Variants in NFKBIZ observed in about 807,000 individuals in gnomAD.
The protein encoded by NFKBIZ is NFKB inhibitor zeta.
In NFKBIZ, 19 loss-of-function variants were observed where a neutral mutation model predicts 76.8. The ratio of observed to expected loss-of-function variants is 0.25; its 90% CI spans 0.17 to 0.36. The LOEUF is 0.36. Ranked by LOEUF, NFKBIZ falls within the 10% of genes least tolerant of loss-of-function variation. The pLI is 1.00. For missense variants in NFKBIZ, 829 were observed against 910.9 expected (o/e 0.91, Z 1.16); for synonymous variants, 368 against 354.8 (o/e 1.04, Z -0.42).
At chr3:101,854,501 A>AT (rs34931768) in intron 5 of NFKBIZ, 77 bp from the exon 6 acceptor site, 77,991 of 670,234 alleles carry the variant, frequency 0.12, 218 homozygotes, top group South Asian at 0.14. Flanking sequence ...CTAAAGGAAG[A>AT]TTTTTTTTTT....
chr3:101,851,128 T>C (rs1942952541), intron 1 of NFKBIZ, among the ~76,000 whole-genome samples: 1 of 152,254 alleles, frequency 6.6e-6, no homozygotes, highest in Non-Finnish European at 1.5e-5. Flanking sequence ...CATGTATTTA[T>C]GATAGATACA....
chr3:101,857,219 C>G (rs780618609), intron 10 of NFKBIZ, 36 bp downstream of exon 10: 12 of 534,072 alleles, frequency 2.2e-5, no homozygotes, highest in Non-Finnish European at 3.4e-5. Flanking sequence ...TGTACACCCT[C>G]TCAAAGTTTT....
chr3:101,840,441 G>T (rs771482690), intron 2 of NFKBIZ, among the ~76,000 whole-genome samples: 1 of 152,156 alleles, frequency 6.6e-6, no homozygotes, highest in East Asian at 1.9e-4. Flanking sequence ...TGGTACACAG[G>T]TAGCCCTTCA....
chr3:101,858,133 G>A, intron 11 of NFKBIZ: 1 of 983,392 alleles, frequency 1.0e-6, no homozygotes, highest in South Asian at 4.7e-5. Context: ...CTCTTTTCCT[G>A]GGAGGAATGA....
upstream of NFKBIZ, among the ~76,000 whole-genome samples, chr3:101,845,350 G>C (rs1254637914): frequency 6.8e-6 from 1 of 147,904 alleles, no homozygotes; most frequent in East Asian, 2.0e-4. Context: ...CTGGAGTGCA[G>C]TTGTATGATC....
intron 5 of NFKBIZ, 133 bp downstream of exon 5, chr3:101,853,996 T>C: frequency 4.7e-6 from 4 of 849,874 alleles, no homozygotes; most frequent in South Asian, 1.8e-5. Context: ...CTGGTGTAGA[T>C]AGAAACCGCC....
intron 2 of NFKBIZ, among the ~76,000 whole-genome samples, chr3:101,842,141 T>C (rs1942792598): frequency 1.3e-5 from 2 of 151,674 alleles, no homozygotes; most frequent in African/African-American, 4.8e-5. Flanking sequence ...GGGTTGAGAG[T>C]TGGGGTCAGG....
intron 11 of NFKBIZ, chr3:101,858,506 TC>T (rs1943085156): frequency 2.2e-6 from 2 of 890,788 alleles, no homozygotes; most frequent in Non-Finnish European, 2.7e-6. Context: ...AACTATGCTC[TC>T]AGGGATCATT....
intron 8 of NFKBIZ, 97 bp from the exon 9 acceptor site, chr3:101,855,636 G>A (rs1487178439): frequency 2.9e-6 from 4 of 1,368,778 alleles, no homozygotes; most frequent in East Asian, 2.3e-5. Flanking sequence ...CCCATTTATA[G>A]GTTAAGTTAG....
At chr3:101,828,154 A>G in exon 1 of NFKBIZ, 1 of 152,118 alleles carries the variant, frequency 6.6e-6, no homozygotes, top group Non-Finnish European at 1.5e-5. Context: ...GCTCTTACGT[A>G]TTTGTGTGAC....
chr3:101,838,628 T>C (rs980034320), intron 2 of NFKBIZ, among the ~76,000 whole-genome samples: 1 of 152,230 alleles, frequency 6.6e-6, no homozygotes, highest in African/African-American at 2.4e-5. Context: ...CAGGCCGTAG[T>C]TGCCAACTCC....
intron 11 of NFKBIZ, chr3:101,857,767 T>C: frequency 5.1e-6 from 5 of 985,464 alleles, no homozygotes; most frequent in Non-Finnish European, 6.0e-6. Flanking sequence ...CCAAGGTTCC[T>C]GCAGATACCA....
rs761143052 is a variant in NFKBIZ, at chr3:101,855,498, G to C, written c.1654+40G>C. 34 of 1,573,524 alleles carry C rather than the reference G, an allele frequency of 2.2e-5. No homozygotes were observed. In the South Asian group the frequency reaches 3.7e-4, roughly 17 times the overall value. Reference sequence around the variant, plus strand: ...CTTTATTAGATTCAGAGCCACTTAGGGGGAACCATAAGGTCTAAGGGTGCT... The same window carrying C: ...CTTTATTAGATTCAGAGCCACTTAGCGGGAACCATAAGGTCTAAGGGTGCT... On this transcript the variant is annotated intron_variant, in intron 8 of 11. Transcript: ENST00000326172.
chr3:101,853,663 C>A lies in NFKBIZ; in HGVS notation c.1137C>A (p.Ser379Arg). 6.2e-7 allele frequency: 1 copy of A among 1,614,250 alleles called. No individual in the cohort carries two copies. Among genetic ancestry groups the A allele is most frequent in the Non-Finnish European group, 8.5e-7 (1 of 1,180,048 alleles). The change falls in exon 5 of 12, where the codon AGC becomes AGA. Residue 379 changes from serine to arginine, a missense_variant. Transcript: ENST00000326172. ...TGCACAGCTTCAGCATGATGCCCAG[C>A]AGCGCCTGTGAGGCCATGGTGGGGC... ...AHLHSFSMMP[S>R]SACEAMVGHE...
In NFKBIZ at chr3:101,842,865, G is replaced by A. The variant is rs1942804465; in HGVS notation, c.-11-9220G>A. Reference sequence around the variant, plus strand: ...CCTGTCTTGGATAGTGGAAATTAGAGATGGAGAAGAGAGGAGGGTTTCAGA... The same window carrying A: ...CCTGTCTTGGATAGTGGAAATTAGAAATGGAGAAGAGAGGAGGGTTTCAGA... On this transcript the variant is annotated intron_variant, in intron 2 of 12. Transcript: ENST00000394054. Among the ~76,000 whole-genome samples, 3 of 151,750 alleles carry A rather than the reference G, an allele frequency of 2.0e-5. No individual in the cohort carries two copies. In the South Asian group the frequency reaches 6.2e-4, roughly 32 times the overall value.
At position 101,853,148 on chromosome 3, in the gene NFKBIZ, C is replaced by A; in HGVS notation, c.622C>A (p.Pro208Thr). 1 of 1,614,158 alleles carries A rather than the reference C, an allele frequency of 6.2e-7. No individual in the cohort carries two copies. Among genetic ancestry groups the A allele is most frequent in the African/African-American group, 1.3e-5 (1 of 75,030 alleles). ...CATGGAAGATGTTCATCTCAATGAA[C>A]CCAAACAGGAGAGCAGTGCTGATCT... The part of the protein sequence containing the change: ...ESMEDVHLNE[P>T]KQESSADLLQ... The change falls in exon 5 of 12, where the codon CCC (proline) becomes ACC (threonine). Residue 208 changes from proline (P) to threonine (T), a missense_variant. By Grantham distance (38) the Pro-to-Thr change is conservative. Transcript: ENST00000326172.
At chr3:101,849,365 C>T (rs1055568566), upstream of NFKBIZ, 6 of 330,762 alleles carry the variant, frequency 1.8e-5, no homozygotes, top group East Asian at 4.7e-5. Context: ...GGGCGCATTG[C>T]CTCATCCTGT....
intron 2 of NFKBIZ, among the ~76,000 whole-genome samples, chr3:101,837,835 T>C (rs1942742735): frequency 6.6e-6 from 1 of 152,152 alleles, no homozygotes; most frequent in South Asian, 2.1e-4. Flanking sequence ...AAATCCAGAA[T>C]CAGATTAGGA....
Position 101,857,603 on chromosome 3 carries a change from G to A in NFKBIZ, c.2103+144G>A, listed in dbSNP as rs375416107. ...TCTGTGTCTCACGGTAGCTGTCATA[G>A]CATTGTGGAGTTACTCTTCGTTTGG... On this transcript the variant is annotated intron_variant, in intron 11 of 11. Coordinates refer to ENST00000326172, the MANE Select transcript of NFKBIZ (RefSeq NM_031419.4). 2.8e-4 allele frequency: 400 copies of A among 1,450,416 alleles called. 4 individuals are homozygous for A. In the Middle Eastern group the frequency reaches 2.8e-3, roughly 10 times the overall value. The allele number at this position is 1,450,416 out of a possible 1,614,324, so 89.8% of individuals were successfully genotyped here.
Sources: allele counts gnomAD v4.1 joint callset (sites outside exome capture counted in the v4.1 genomes callset), GRCh38; gene constraint gnomAD v4.1.1; transcripts MANE v1.5; gene names NCBI Gene and HGNC (gene_info 2026-07-23, HGNC 2026-07-21).